The following KCNMA1 variants were observed in gnomAD, a reference collection of about 807,000 sequenced individuals.
The protein encoded by KCNMA1 is potassium calcium-activated channel subfamily M alpha 1, also known as Calcium-activated potassium channel subunit alpha-1.
In KCNMA1, 29 loss-of-function variants were observed where a neutral mutation model predicts 140.0. The observed-to-expected ratio is 0.21, with a 90% confidence interval of 0.15 to 0.28. KCNMA1 has a LOEUF of 0.28. KCNMA1 is among the 10% of genes least tolerant of loss of function. KCNMA1 has a pLI of 1.00. For missense variants in KCNMA1, 880 were observed against 1,602.2 expected, an observed-to-expected ratio of 0.55 and a Z score of 7.70; for synonymous variants, 612 against 611.9, an observed-to-expected ratio of 1.00 and a Z score of 0.00.
At chr10:77,273,303 C>A (rs1401500106) in intron 2 of KCNMA1, among the ~76,000 whole-genome samples, 1 of 152,088 alleles carries the variant, frequency 6.6e-6, no homozygotes. Context: ...AGTTCAATTT[C>A]TACCAGAAAG....
chr10:77,054,232 A>T (rs2095470143), intron 14 of KCNMA1, among the ~76,000 whole-genome samples: 1 of 152,226 alleles, frequency 6.6e-6, no homozygotes, highest in African/African-American at 2.4e-5. Flanking sequence ...CTATTTAAGG[A>T]GAAAGAGAAA....
intron 19 of KCNMA1, among the ~76,000 whole-genome samples, chr10:76,996,162 GT>G (rs1178261068): frequency 6.6e-6 from 1 of 152,194 alleles, no homozygotes; most frequent in African/African-American, 2.4e-5. Context: ...GAAGAACCCA[GT>G]GTGTTGGGAG....
At chr10:77,117,932 T>C (rs2097520804) in intron 6 of KCNMA1, among the ~76,000 whole-genome samples, 1 of 152,252 alleles carries the variant, frequency 6.6e-6, no homozygotes, top group African/African-American at 2.4e-5. Flanking sequence ...GCCCATTTCA[T>C]CCCATGCACT....
intron 23 of KCNMA1, among the ~76,000 whole-genome samples, chr10:76,940,567 A>G (rs1366657561): frequency 1.3e-5 from 2 of 152,212 alleles, no homozygotes; most frequent in African/African-American, 4.8e-5. Context: ...AGTTCTTCAG[A>G]CAATGCAGAG....
At chr10:77,025,281 T>TATATATATATAC (rs1394239548) in intron 16 of KCNMA1, among the ~76,000 whole-genome samples, 32 of 122,208 alleles carry the variant, frequency 2.6e-4, no homozygotes, top group Non-Finnish European at 3.5e-4. Context: ...TATATATATA[T>TATATATATATAC]ACACACACAC....
chr10:77,102,804 T>C (rs891951785), intron 9 of KCNMA1, among the ~76,000 whole-genome samples: 7 of 152,330 alleles, frequency 4.6e-5, no homozygotes, highest in Non-Finnish European at 8.8e-5. Flanking sequence ...TCTTAGTCTT[T>C]TCTGGTTTTG....
intron 20 of KCNMA1, among the ~76,000 whole-genome samples, chr10:76,960,936 A>G (rs2071146008): frequency 6.6e-6 from 1 of 151,916 alleles, no homozygotes; most frequent in African/African-American, 2.4e-5. Context: ...AACGCACCCA[A>G]TTATTCAAGA....
intron 19 of KCNMA1, chr10:76,978,512 A>G (rs1030672396): frequency 5.9e-5 from 9 of 152,334 alleles, no homozygotes; most frequent in African/African-American, 1.7e-4. Context: ...ATGCTAATAT[A>G]TTTTTTAAGT....
At chr10:76,894,445 A>G (rs980980851) in intron 25 of KCNMA1, among the ~76,000 whole-genome samples, 3 of 152,236 alleles carry the variant, frequency 2.0e-5, no homozygotes, top group Non-Finnish European at 4.4e-5. Flanking sequence ...CATGACACAA[A>G]AAGCATAAAC....
chr10:77,348,947 C>T (rs1283181244), intron 2 of KCNMA1, among the ~76,000 whole-genome samples: 2 of 152,160 alleles, frequency 1.3e-5, no homozygotes, highest in Admixed American at 6.5e-5. Context: ...AATCTAGTGC[C>T]AAATTCCTTG....
chr10:77,308,583 G>A (rs1267138616), intron 2 of KCNMA1, among the ~76,000 whole-genome samples: 7 of 152,130 alleles, frequency 4.6e-5, no homozygotes, highest in Middle Eastern at 3.2e-3. Context: ...CAGCAAAGTC[G>A]ACAATTCCAG....
Position 76,970,036 on chromosome 10 carries a change from T to C in KCNMA1, c.2298A>G (p.Pro766=), listed in dbSNP as rs1442266239. 2 of 1,613,982 alleles carry C rather than the reference T, an allele frequency of 1.2e-6. No individual in the cohort carries two copies. The highest frequency in any genetic ancestry group is 1.7e-5 in the Admixed American group (1 of 60,018). The change falls in exon 20 of 28, where the codon CCA becomes CCG. Residue 766 remains proline, a synonymous_variant. Coordinates refer to ENST00000286628, the MANE Select transcript of KCNMA1 (RefSeq NM_001161352.2). ...TGCCTCCATTCCGTTGCTTTTTTTT[T>C]GGTGATAGTGTTGACGGCTGCTCAT... ...FEDEQPSTLS[P]KKKQRNGGMR...
intron 18 of KCNMA1, among the ~76,000 whole-genome samples, chr10:77,004,587 T>C (rs1425107035): frequency 2.0e-5 from 3 of 152,278 alleles, no homozygotes; most frequent in Non-Finnish European, 2.9e-5. Flanking sequence ...ACTCTTTAAC[T>C]AAAAGCTGAT....
intron 23 of KCNMA1, 97 bp from the exon 24 acceptor site, chr10:76,915,146 G>C: frequency 1.3e-6 from 1 of 793,268 alleles, no homozygotes; most frequent in Middle Eastern, 2.6e-4. Context: ...CAAAAATGTA[G>C]CTTATGCATT....
At chr10:76,963,614 TTC>T (rs1482595677) in intron 20 of KCNMA1, among the ~76,000 whole-genome samples, 1 of 152,136 alleles carries the variant, frequency 6.6e-6, no homozygotes, top group East Asian at 1.9e-4. Flanking sequence ...CCTACTCTGA[TTC>T]TCTGTGACTC....
chr10:77,551,904 C>A (rs2062947932), intron 1 of KCNMA1, among the ~76,000 whole-genome samples: 1 of 152,274 alleles, frequency 6.6e-6, no homozygotes, highest in Admixed American at 6.5e-5. Context: ...CAGTTCTAAG[C>A]TTACAGATGG....
intron 5 of KCNMA1, among the ~76,000 whole-genome samples, chr10:77,163,400 T>G: frequency 6.6e-6 from 1 of 152,160 alleles, no homozygotes; most frequent in East Asian, 1.9e-4. Context: ...AAACATTGAC[T>G]ATCAGGCCCT....
chr10:77,443,354 C>A (rs2097451893), intron 1 of KCNMA1, among the ~76,000 whole-genome samples: 1 of 152,208 alleles, frequency 6.6e-6, no homozygotes, highest in Non-Finnish European at 1.5e-5. Context: ...CACTATCCCC[C>A]CATCATGGGC....
intron 14 of KCNMA1, among the ~76,000 whole-genome samples, chr10:77,058,202 C>A (rs959195646): frequency 6.6e-6 from 1 of 151,908 alleles, no homozygotes; most frequent in African/African-American, 2.4e-5. Context: ...ATAAAAAGGT[C>A]AATTCACCAA....
Sources: gnomAD v4.1 joint callset for allele counts (sites outside exome capture counted in the v4.1 genomes callset) on GRCh38, gnomAD v4.1.1 for gene constraint, MANE v1.5 for transcripts, NCBI Gene and HGNC (gene_info 2026-07-23, HGNC 2026-07-21) for gene names.